Variants in C9 observed in about 807,000 individuals in gnomAD.
C9 encodes complement component C9.
A neutral mutation model predicts 65.4 loss-of-function variants in C9; 63 were observed. The observed-to-expected ratio is 0.96, with a 90% CI of 0.79 to 1.19. The LOEUF (loss-of-function observed/expected upper bound fraction) is 1.19, where lower values mean the gene tolerates loss of function less well. Among genes scored for constraint, C9 ranks in the 50% most tolerant of loss-of-function variants. The pLI, the probability that C9 is intolerant of heterozygous loss-of-function variation, is 0.00. For missense variants in C9, 744 were observed against 670.1 expected, an observed-to-expected ratio of 1.11 and a Z score of -1.22; for synonymous variants, 229 against 227.9, an observed-to-expected ratio of 1.00 and a Z score of -0.04.
In C9 at chr5:39,333,172, T is replaced by C. The variant is rs564337993; in HGVS notation, c.477-1358A>G. ...TATTTGATTTATTTTTTTAAACACC[T>C]TATTCCTCATGATAAATTAAAATTT... On this transcript the variant is annotated intron_variant, in intron 4 of 10. Coordinates refer to ENST00000263408, the MANE Select transcript of C9 (RefSeq NM_001737.5). Among the ~76,000 whole-genome samples, 7 of 106,126 alleles carry C rather than the reference T, an allele frequency of 6.6e-5. No individual in the cohort carries two copies. The East Asian group carries it at 1.9e-3, about 29-fold the overall frequency. The allele number at this position is 106,126 out of a possible 152,430, so 69.6% of individuals were successfully genotyped here.
chr5:39,330,637 A>G (rs1291842106), intron 5 of C9, among the ~76,000 whole-genome samples: 1 of 152,198 alleles, frequency 6.6e-6, no homozygotes, highest in Non-Finnish European at 1.5e-5. Flanking sequence ...CATCACAAAA[A>G]TCTGTGCTTA....
chr5:39,344,932 G>A (rs1329776494), intron 1 of C9, among the ~76,000 whole-genome samples: 1 of 152,252 alleles, frequency 6.6e-6, no homozygotes, highest in Non-Finnish European at 1.5e-5. Context: ...AGCTTCACAA[G>A]TGAAGGAGAA....
At chr5:39,288,651 GC>G (rs2111835427) in intron 10 of C9, 71 bp downstream of exon 10, 3 of 796,994 alleles carry the variant, frequency 3.8e-6, no homozygotes, top group East Asian at 5.0e-5. Context: ...TAATTCAAGA[GC>G]TAGTTTTCAA....
chr5:39,288,298 G>T (rs1444359301), intron 10 of C9, among the ~76,000 whole-genome samples: 1 of 151,526 alleles, frequency 6.6e-6, no homozygotes, highest in Non-Finnish European at 1.5e-5. Flanking sequence ...TAATTAATTG[G>T]ATGTATTATT....
chr5:39,341,423 A>G (rs536014151), intron 3 of C9, 130 bp from the exon 4 acceptor site: 58 of 1,417,688 alleles, frequency 4.1e-5, no homozygotes, highest in Middle Eastern at 3.5e-4. Context: ...TTTGTACAGA[A>G]TATATAGATG....
In C9 at chr5:39,363,074, G is replaced by A. The variant is rs1579888496; in HGVS notation, c.77+1314C>T. ...TCAGCAGGAGCTGCAATCTAGGAAT[G>A]TGGGTTGTTTGAATTATTATTATTA... On this transcript the variant is annotated intron_variant, in intron 1 of 10. Transcript: ENST00000263408. 2.0e-5 allele frequency among the ~76,000 whole-genome samples: 3 copies of A among 152,198 alleles called. No individual in the cohort carries two copies. In the East Asian group the frequency reaches 5.8e-4, roughly 29 times the overall value.
chr5:39,336,580 G>T (rs963120070), intron 4 of C9, among the ~76,000 whole-genome samples: 1 of 152,032 alleles, frequency 6.6e-6, no homozygotes, highest in African/African-American at 2.4e-5. Context: ...TGAAATGAAT[G>T]AGTCTTCTTT....
chr5:39,312,041 G>A (rs1203764550), intron 6 of C9, among the ~76,000 whole-genome samples: 2 of 152,064 alleles, frequency 1.3e-5, no homozygotes, highest in Non-Finnish European at 2.9e-5. Context: ...GTAGGGAACG[G>A]AAAAGGGCAT....
intron 9 of C9, among the ~76,000 whole-genome samples, chr5:39,295,436 C>CA (rs1327921350): frequency 6.6e-6 from 1 of 151,388 alleles, no homozygotes; most frequent in Non-Finnish European, 1.5e-5. Context: ...AAAAAGAATG[C>CA]AAAAAGTCAA....
intron 1 of C9, among the ~76,000 whole-genome samples, chr5:39,358,041 G>A (rs1754442071): frequency 6.6e-6 from 1 of 152,122 alleles, no homozygotes; most frequent in South Asian, 2.1e-4. Context: ...CAGCCCAAGT[G>A]ACAGACATGT....
chr5:39,336,679 C>G (rs966866486), intron 4 of C9, among the ~76,000 whole-genome samples: 4 of 152,076 alleles, frequency 2.6e-5, no homozygotes, highest in African/African-American at 9.7e-5. Context: ...TGTTCAGTAT[C>G]AATTTGAGTC....
intron 1 of C9, among the ~76,000 whole-genome samples, chr5:39,360,019 A>G (rs1244788315): frequency 6.6e-6 from 1 of 152,246 alleles, no homozygotes; most frequent in Admixed American, 6.5e-5. Context: ...ACTTAGGCAA[A>G]TATAACCAAA....
At chr5:39,341,798 A>C (rs1754091928) in intron 2 of C9, 98 bp from the exon 3 acceptor site, 2 of 1,130,962 alleles carry the variant, frequency 1.8e-6, no homozygotes, top group African/African-American at 3.0e-5. Context: ...CAATGAGTCA[A>C]TGGTTTTAAG....
At chr5:39,287,149 C>T (rs1391982959) in intron 10 of C9, among the ~76,000 whole-genome samples, 1 of 151,854 alleles carries the variant, frequency 6.6e-6, no homozygotes, top group Admixed American at 6.6e-5. Flanking sequence ...GGATTAGAAA[C>T]ATGACTAAAG....
chr5:39,333,215 C>T (rs531792391), intron 4 of C9, among the ~76,000 whole-genome samples: 1 of 152,202 alleles, frequency 6.6e-6, no homozygotes, highest in East Asian at 1.9e-4. Context: ...ATCCTTTACC[C>T]ATCTCTGCAT....
chr5:39,298,107 A>G (rs1250803974), intron 9 of C9, among the ~76,000 whole-genome samples: 1 of 151,766 alleles, frequency 6.6e-6, no homozygotes, highest in East Asian at 1.9e-4. Context: ...AAAAATTAGA[A>G]AATATTTTAA....
intron 1 of C9, among the ~76,000 whole-genome samples, chr5:39,351,727 G>A (rs948616330): frequency 7.2e-5 from 11 of 152,048 alleles, no homozygotes; most frequent in African/African-American, 2.7e-4. Context: ...ATCTCAGCCT[G>A]GATTTCATTG....
intron 5 of C9, among the ~76,000 whole-genome samples, chr5:39,316,662 GC>G (rs1753574311): frequency 6.6e-6 from 1 of 152,132 alleles, no homozygotes. Flanking sequence ...CCAAGTCCCT[GC>G]AAAGGACGTG....
Position 39,364,468 on chromosome 5 carries a change from G to C in C9, c.-4C>G, listed in dbSNP as rs1307500508. 1 of 1,596,980 alleles carries C rather than the reference G, an allele frequency of 6.3e-7. No homozygotes were observed. The highest frequency in any genetic ancestry group is 1.3e-5 in the African/African-American group (1 of 74,758). Reference sequence around the variant, plus strand: ...CAAAGCTCCGGCAGGCTGACATGCTGCTCTTGCTGGGTGGCTGCGAGTGGG... The same window carrying C: ...CAAAGCTCCGGCAGGCTGACATGCTCCTCTTGCTGGGTGGCTGCGAGTGGG... On this transcript the variant is annotated 5_prime_UTR_variant, in exon 1 of 11. Coordinates refer to ENST00000263408, the MANE Select transcript of C9 (RefSeq NM_001737.5).
Sources: gnomAD v4.1 joint callset for allele counts (sites outside exome capture counted in the v4.1 genomes callset) on GRCh38, gnomAD v4.1.1 for gene constraint, MANE v1.5 for transcripts, NCBI Gene and HGNC (gene_info 2026-07-23, HGNC 2026-07-21) for gene names.